The following COG2 variants were observed in gnomAD, a reference collection of about 807,000 sequenced individuals.
COG2 encodes component of oligomeric golgi complex 2.
Under a neutral mutation model 90.6 loss-of-function variants are expected in COG2, and 52 were observed. The observed-to-expected ratio is 0.57, with a 90% CI of 0.46 to 0.72. The LOEUF is 0.72. COG2 is among the 30% of genes least tolerant of loss of function. COG2 has a pLI of 0.00. For synonymous variants in COG2, 337 were observed against 320.4 expected, an observed-to-expected ratio of 1.05 and a Z score of -0.55; for missense variants, 829 against 891.2, an observed-to-expected ratio of 0.93 and a Z score of 0.89.
intron 1 of COG2, among the ~76,000 whole-genome samples, chr1:230,653,488 T>C (rs1349296577): frequency 6.6e-6 from 1 of 152,218 alleles, no homozygotes; most frequent in African/African-American, 2.4e-5. Flanking sequence ...CTCAAAGCGC[T>C]GGCATTACAG....
In COG2 at chr1:230,693,438, G is replaced by C; in HGVS notation, c.*45G>C. 7.9e-7 allele frequency: 1 copy of C among 1,267,496 alleles called. No homozygotes were observed. 78.5% of individuals were successfully genotyped at this position (1,267,496 alleles called of 1,614,324 possible). On this transcript the variant is annotated 3_prime_UTR_variant, in exon 18 of 18. Coordinates refer to ENST00000366669, the MANE Select transcript of COG2 (RefSeq NM_007357.3). ...GGTTAGATTCTTAAGCAAGAGAAGA[G>C]TTGGACTTCCAGGCTGAAGGGGAGA...
intron 3 of COG2, among the ~76,000 whole-genome samples, chr1:230,661,923 C>T (rs1662188819): frequency 6.6e-6 from 1 of 152,054 alleles, no homozygotes; most frequent in African/African-American, 2.4e-5. Flanking sequence ...TTTTACATGG[C>T]TCTTGGGTGG....
intron 1 of COG2, among the ~76,000 whole-genome samples, chr1:230,646,619 C>T (rs1661784847): frequency 6.6e-6 from 1 of 152,144 alleles, no homozygotes; most frequent in Non-Finnish European, 1.5e-5. Flanking sequence ...CCCATGTGCA[C>T]AGCGCCTTGA....
At chr1:230,690,202 C>A in intron 16 of COG2, 49 bp downstream of exon 16, 1 of 1,545,924 alleles carries the variant, frequency 6.5e-7, no homozygotes, top group Non-Finnish European at 8.8e-7. Flanking sequence ...GAAGAGTCTG[C>A]GGCAGAAACC....
chr1:230,664,801 G>A (rs1294736716), intron 5 of COG2, among the ~76,000 whole-genome samples: 2 of 152,198 alleles, frequency 1.3e-5, no homozygotes, highest in South Asian at 2.1e-4. Flanking sequence ...TTCCAACACA[G>A]CACCTTTCAG....
At chr1:230,652,619 G>C (rs1280302379) in intron 1 of COG2, among the ~76,000 whole-genome samples, 4 of 152,188 alleles carry the variant, frequency 2.6e-5, no homozygotes, top group Non-Finnish European at 4.4e-5. Flanking sequence ...CTGCCAAGCT[G>C]TCTTCCAAAG....
At chr1:230,642,974 G>A (rs1331408141) in intron 1 of COG2, 3 of 378,026 alleles carry the variant, frequency 7.9e-6, no homozygotes, top group Non-Finnish European at 1.4e-5. Context: ...ACCATGCAGT[G>A]CAGTCAGATT....
chr1:230,692,775 C>T (rs568296226), intron 17 of COG2, among the ~76,000 whole-genome samples: 5 of 114,928 alleles, frequency 4.4e-5, no homozygotes, highest in East Asian at 4.4e-4. Context: ...TGGATGTATA[C>T]GTGTGTGTGT....
intron 1 of COG2, 67 bp from the exon 2 acceptor site, chr1:230,659,397 A>G (rs1355112606): frequency 7.0e-6 from 9 of 1,279,860 alleles, no homozygotes; most frequent in Admixed American, 1.8e-5. Context: ...TCTTTCTTCC[A>G]TTTCATTTGT....
intron 2 of COG2, among the ~76,000 whole-genome samples, chr1:230,660,382 T>C (rs79154679): frequency 0.015 from 2,230 of 152,334 alleles, 45 homozygotes; most frequent in African/African-American, 0.051. Context: ...TTAGGATAGA[T>C]ATACTCCTTG....
intron 1 of COG2, among the ~76,000 whole-genome samples, chr1:230,654,687 A>C (rs1303493464): frequency 6.6e-6 from 1 of 152,232 alleles, no homozygotes; most frequent in Non-Finnish European, 1.5e-5. Flanking sequence ...TACTTTGGGC[A>C]GTATGGCAAT....
Position 230,693,304 on chromosome 1 carries a change from G to A in COG2, c.2128G>A (p.Gly710Arg), listed in dbSNP as rs1663085687. The A allele has an allele frequency of 1.9e-6, 3 of 1,611,130 alleles. No homozygotes were observed. In the South Asian group the frequency reaches 3.3e-5, roughly 18 times the overall value. ...ATGGCCTTTGCAGATACAAAAGTTG[G>A]GACTACAAGCAAGTGACATAAAAAG... ...EYLGEQIQKL[G>R]LQASDIKSFS... Residue 710 changes from glycine (G) to arginine (R), a missense_variant, in exon 18 of 18, where the codon GGA becomes AGA. Coordinates refer to ENST00000366669, the MANE Select transcript of COG2 (RefSeq NM_007357.3).
At chr1:230,691,667 G>A in intron 17 of COG2, 103 bp downstream of exon 17, 1 of 1,105,572 alleles carries the variant, frequency 9.0e-7, no homozygotes. Context: ...CTGTCGCAGT[G>A]GCTAGGGAAT....
chr1:230,662,325 C>T (rs1246900689), intron 3 of COG2, among the ~76,000 whole-genome samples: 2 of 152,308 alleles, frequency 1.3e-5, no homozygotes, highest in African/African-American at 4.8e-5. Context: ...ATCTTGTTCA[C>T]CATTGCATCC....
chr1:230,645,874 C>T (rs1661761427), intron 1 of COG2, among the ~76,000 whole-genome samples: 1 of 152,078 alleles, frequency 6.6e-6, no homozygotes, highest in African/African-American at 2.4e-5. Context: ...CTATGAGAAT[C>T]TAGTGCTGCC....
At chr1:230,647,629 CG>C (rs1661821465) in intron 1 of COG2, among the ~76,000 whole-genome samples, 1 of 152,042 alleles carries the variant, frequency 6.6e-6, no homozygotes, top group Admixed American at 6.6e-5. Flanking sequence ...CCTCAGTATC[CG>C]CAGAGGATTG....
intron 12 of COG2, among the ~76,000 whole-genome samples, chr1:230,685,536 G>A (rs1299042547): frequency 6.6e-6 from 1 of 151,874 alleles, no homozygotes; most frequent in Non-Finnish European, 1.5e-5. Flanking sequence ...TTTAAAAAAA[G>A]AAAAAGATGT....
intron 10 of COG2, chr1:230,680,495 C>T (rs2479129): frequency 0.98 from 148,481 of 152,230 alleles, 72,520 homozygotes; most frequent in Non-Finnish European, 1. Context: ...CCCTTGGTGA[C>T]GGCCCAGCTT....
chr1:230,686,907 GTAGT>G (rs1396350420), intron 12 of COG2, 24 bp from the exon 13 acceptor site: 2 of 1,425,362 alleles, frequency 1.4e-6, no homozygotes, highest in South Asian at 1.5e-5. Flanking sequence ...TAGTGTGAAA[GTAGT>G]TAATCAGTGA....
Sources: allele counts gnomAD v4.1 joint callset (sites outside exome capture counted in the v4.1 genomes callset), GRCh38; gene constraint gnomAD v4.1.1; transcripts MANE v1.5; gene names NCBI Gene and HGNC (gene_info 2026-07-23, HGNC 2026-07-21).